MZT2A: variants seen among roughly 807,000 people sequenced by gnomAD.
MZT2A encodes mitotic spindle organizing protein 2A, also known as mitotic-spindle organizing protein 2A.
Under a neutral mutation model 12.4 loss-of-function variants are expected in MZT2A, and 8 were observed. The observed-to-expected ratio is 0.64, with a 90% CI of 0.38 to 1.16. The LOEUF is 1.16. Ranked by LOEUF, MZT2A falls within the 50% of genes most tolerant of loss-of-function variation. The pLI, the probability that MZT2A is intolerant of heterozygous loss-of-function variation, is 0.01. For missense variants in MZT2A, 181 were observed against 223.6 expected, an observed-to-expected ratio of 0.81 and a Z score of 1.22; for synonymous variants, 88 against 107.5, an observed-to-expected ratio of 0.82 and a Z score of 1.12.
At chr2:131,488,718 T>G in intron 2 of MZT2A, among the ~76,000 whole-genome samples, 1 of 151,652 alleles carries the variant, frequency 6.6e-6, no homozygotes, top group East Asian at 1.9e-4. Context: ...TCTGCCCCAT[T>G]CCCCTCCACC....
At chr2:131,492,107 G>A in intron 1 of MZT2A, 83 bp from the exon 2 acceptor site, 1 of 1,553,798 alleles carries the variant, frequency 6.4e-7, no homozygotes, top group Non-Finnish European at 8.7e-7. Flanking sequence ...GACGGGGGCG[G>A]GGGCAGCGGG....
At chr2:131,493,231 C>T (rs975541619), upstream of MZT2A, 94 of 1,363,640 alleles carry the variant, frequency 6.9e-5, 1 homozygote, top group Non-Finnish European at 8.4e-5. Flanking sequence ...CCTCCGCGAG[C>T]CCCAGGACTC....
chr2:131,474,299 G>A (rs1271152152), intron 2 of MZT2A, among the ~76,000 whole-genome samples: 1 of 151,562 alleles, frequency 6.6e-6, no homozygotes, highest in African/African-American at 2.4e-5. Context: ...GGGTTTTACC[G>A]TGTTAGCCAG....
At chr2:131,491,277 C>T (rs1467684146) in intron 2 of MZT2A, 9 of 329,798 alleles carry the variant, frequency 2.7e-5, no homozygotes, top group South Asian at 1.8e-4. Context: ...CCCCGCAGGC[C>T]TCTGCACCCT....
intron 2 of MZT2A, chr2:131,476,300 G>T: frequency 1.9e-6 from 3 of 1,594,570 alleles, no homozygotes; most frequent in South Asian, 1.1e-5. Flanking sequence ...GCGCTGAGAG[G>T]AGGCCAGAGA....
chr2:131,479,247 T>C (rs1678769072), downstream of MZT2A: 10 of 1,581,460 alleles, frequency 6.3e-6, no homozygotes, highest in Admixed American at 1.7e-4. Context: ...ACTCCTGGAA[T>C]GTGTCCATCT....
downstream of MZT2A, among the ~76,000 whole-genome samples, chr2:131,481,833 T>C (rs1316725062): frequency 2.6e-5 from 4 of 152,234 alleles, no homozygotes; most frequent in African/African-American, 4.8e-5. Flanking sequence ...CCCAAAGTGC[T>C]GGGGTCACAG....
chr2:131,478,220 C>A, intron 2 of MZT2A: 1 of 1,614,110 alleles, frequency 6.2e-7, no homozygotes, highest in Non-Finnish European at 8.5e-7. Context: ...GCAATGCCTG[C>A]TGGGAACTGT....
chr2:131,472,028 A>G lies in MZT2A; in HGVS notation c.393+40T>C, dbSNP rs1246604632. 3.9e-6 allele frequency: 5 copies of G among 1,279,858 alleles called. No individual in the cohort carries two copies. In the Admixed American group the frequency reaches 9.5e-5, roughly 24 times the overall value. The allele number at this position is 1,279,858 out of a possible 1,614,324, so 79.3% of individuals were successfully genotyped here. A position where few individuals can be genotyped will look rare whatever the true frequency, so the allele number is the denominator to read the frequency against. On this transcript the variant is annotated intron_variant and NMD_transcript_variant, in intron 3 of 4. Coordinates refer to the MZT2A transcript ENST00000427024. ...AACAGAATCTTACAAAACTCTGCAAAGCCTCTTAAGCCTTTCTCACCCAGA... is the reference window on the plus strand; with the variant it reads ...AACAGAATCTTACAAAACTCTGCAAGGCCTCTTAAGCCTTTCTCACCCAGA...
At chr2:131,490,782 G>C in intron 2 of MZT2A, 1 of 1,549,980 alleles carries the variant, frequency 6.5e-7, no homozygotes. Context: ...AGAGGTGAGT[G>C]TGTGGCAGCT....
At position 131,471,301 on chromosome 2, in the gene MZT2A, A is replaced by G. The variant is rs558973026; in HGVS notation, c.393+767T>C. 5.6e-3 allele frequency among the ~76,000 whole-genome samples: 783 copies of G among 140,816 alleles called. 19 individuals are homozygous for G. The highest frequency in any genetic ancestry group is 0.017 in the Middle Eastern group (5 of 294). 92.4% of individuals were successfully genotyped at this position (140,816 alleles called of 152,430 possible). ...TCTTAAGAAGCAATTTGGGCTTAAA[A>G]TCTGCCCCATTTTAGAGGACAGATC... On this transcript the variant is annotated intron_variant and NMD_transcript_variant, in intron 3 of 4. Coordinates refer to the MZT2A transcript ENST00000427024.
intron 3 of MZT2A, among the ~76,000 whole-genome samples, chr2:131,471,654 G>C (rs1257381505): frequency 6.6e-6 from 1 of 150,998 alleles, no homozygotes; most frequent in Non-Finnish European, 1.5e-5. Flanking sequence ...GGGGCATGGT[G>C]TAGAGAGAAG....
At chr2:131,489,894 TA>T in intron 2 of MZT2A, 1 of 974,704 alleles carries the variant, frequency 1.0e-6, no homozygotes, top group Non-Finnish European at 1.2e-6. Context: ...CCCTGAGAGC[TA>T]GGCCTGGCAC....
At chr2:131,471,417 C>T (rs1704981990) in intron 3 of MZT2A, among the ~76,000 whole-genome samples, 1 of 135,592 alleles carries the variant, frequency 7.4e-6, no homozygotes, top group Non-Finnish European at 1.5e-5. Flanking sequence ...ATGACTGCAG[C>T]CTGGTGACAG....
At chr2:131,492,895 C>A (rs1679406736), upstream of MZT2A, 42 of 1,508,674 alleles carry the variant, frequency 2.8e-5, no homozygotes, top group Non-Finnish European at 3.6e-5. Flanking sequence ...ACAACGCAGG[C>A]GCATTCAGCT....
chr2:131,482,587 C>T (rs775903908), downstream of MZT2A: 19 of 1,612,870 alleles, frequency 1.2e-5, no homozygotes, highest in South Asian at 3.3e-5. Flanking sequence ...CAGTGGTCCC[C>T]GGGGGAGACC....
downstream of MZT2A, chr2:131,480,306 G>A (rs771034023): frequency 1.3e-5 from 21 of 1,613,286 alleles, no homozygotes; most frequent in East Asian, 2.0e-4. Context: ...CTTCATGGTC[G>A]ACAATGAAGC....
chr2:131,490,256 A>G, intron 2 of MZT2A: 1 of 926,792 alleles, frequency 1.1e-6, no homozygotes, highest in South Asian at 3.8e-5. Context: ...CCATGGGACC[A>G]GCACATGGCA....
intron 2 of MZT2A, among the ~76,000 whole-genome samples, chr2:131,476,863 AC>A (rs1678689025): frequency 1.3e-5 from 2 of 149,464 alleles, no homozygotes; most frequent in Admixed American, 1.3e-4. Flanking sequence ...CGAGCCTGGA[AC>A]TTTGAGGCTG....
Sources: allele counts gnomAD v4.1 joint callset (sites outside exome capture counted in the v4.1 genomes callset), GRCh38; gene constraint gnomAD v4.1.1; transcripts MANE v1.5; gene names NCBI Gene and HGNC (gene_info 2026-07-23, HGNC 2026-07-21).